Variants in TSHZ3 observed in about 807,000 individuals in gnomAD.
TSHZ3 encodes teashirt homolog 3.
TSHZ3 carries 10 observed loss-of-function variants against 64.5 expected under a neutral mutation model. The ratio of observed to expected loss-of-function variants is 0.16; its 90% confidence interval spans 0.10 to 0.26. TSHZ3 has a LOEUF of 0.26. TSHZ3 is among the 10% of genes least tolerant of loss of function. The pLI is 1.00. For missense variants in TSHZ3, 1,242 were observed against 1,421.7 expected, an observed-to-expected ratio of 0.87 and a Z score of 2.03; for synonymous variants, 608 against 593.1, an observed-to-expected ratio of 1.03 and a Z score of -0.36.
At chr19:31,263,751 A>G (rs974813027) in intron 1 of TSHZ3, among the ~76,000 whole-genome samples, 7 of 152,200 alleles carry the variant, frequency 4.6e-5, no homozygotes, top group South Asian at 4.1e-4. Context: ...CTAGCTAGCA[A>G]TGAGGCAATT....
chr19:31,225,290 G>C (rs1975445043), intron 4 of TSHZ3, among the ~76,000 whole-genome samples: 1 of 152,130 alleles, frequency 6.6e-6, no homozygotes, highest in African/African-American at 2.4e-5. Flanking sequence ...TGAAGTCCCA[G>C]GGAATGAAAG....
intron 1 of TSHZ3, among the ~76,000 whole-genome samples, chr19:31,317,009 T>C (rs1916620451): frequency 6.6e-6 from 1 of 152,122 alleles, no homozygotes; most frequent in Non-Finnish European, 1.5e-5. Flanking sequence ...CTTCTATCAA[T>C]TTGAAGAAGA....
At chr19:31,211,000 A>G (rs992685269) in intron 4 of TSHZ3, among the ~76,000 whole-genome samples, 6 of 152,208 alleles carry the variant, frequency 3.9e-5, no homozygotes, top group Non-Finnish European at 8.8e-5. Context: ...AAAAATCACA[A>G]TTACATGAAT....
At chr19:31,340,377 T>G (rs1917395764) in intron 1 of TSHZ3, among the ~76,000 whole-genome samples, 2 of 104,678 alleles carry the variant, frequency 1.9e-5, no homozygotes, top group South Asian at 7.4e-4. Context: ...ACAGACTTCC[T>G]CTCACACCTG....
At chr19:31,258,051 G>C (rs1364157577) in intron 1 of TSHZ3, among the ~76,000 whole-genome samples, 1 of 152,124 alleles carries the variant, frequency 6.6e-6, no homozygotes, top group East Asian at 1.9e-4. Flanking sequence ...TTGATAAACT[G>C]GGTGACTGCA....
chr19:31,224,671 A>G (rs1202853457), intron 4 of TSHZ3, among the ~76,000 whole-genome samples: 1 of 152,206 alleles, frequency 6.6e-6, no homozygotes, highest in Non-Finnish European at 1.5e-5. Context: ...ATATTAAATC[A>G]TATCATTGCT....
rs1976314421 is a variant in TSHZ3 at position 31,279,209 on chromosome 19, T to C, written c.584A>G (p.Gln195Arg). 1 of 1,614,170 alleles carries C rather than the reference T, an allele frequency of 6.2e-7. No homozygotes were observed. Among genetic ancestry groups the C allele is most frequent in the Middle Eastern group, 1.6e-4 (1 of 6,062 alleles). The change falls in exon 2 of 2, where the codon CAG (glutamine) becomes CGG (arginine). Residue 195 changes from glutamine to arginine, a missense_variant. By Grantham distance (43) the Gln-to-Arg change is conservative. Around this residue, in one of 4 missense-constraint regions of TSHZ3, gnomAD observed 555 missense variants for 704.0 expected, o/e 0.79. Coordinates refer to ENST00000240587, the MANE Select transcript of TSHZ3 (RefSeq NM_020856.4). This position sits in a 1 kb window ranked among gnomAD's most constrained non-coding sequence, Gnocchi z 6.4. ...GAGCTTGCTGCTCTGCCGGTACAGC[T>C]GCACGGTGCTGAAGAGGCTGGGCTC... is the stretch of plus-strand genomic sequence containing the variant. Reference protein sequence around the residue: ...LPEPSLFSTVQLYRQSSKLYG... With the variant: ...LPEPSLFSTVRLYRQSSKLYG...
intron 1 of TSHZ3, among the ~76,000 whole-genome samples, chr19:31,287,888 C>T (rs1034052929): frequency 2.6e-5 from 4 of 152,232 alleles, no homozygotes; most frequent in African/African-American, 9.6e-5. Flanking sequence ...GCCTCCTTTC[C>T]TCCTGCTTCC....
chr19:31,349,225 T>A lies in TSHZ3; in HGVS notation c.-6A>T. The A allele has an allele frequency of 6.5e-7, 1 of 1,536,600 alleles. No individual in the cohort carries two copies. The highest frequency in any genetic ancestry group is 8.8e-7 in the Non-Finnish European group (1 of 1,142,724). ...TGCTGCTTCCTCCTCGGCATGATGC[T>A]TCTCCGGCGACTGCCACTGCCGCCG... is the stretch of plus-strand genomic sequence containing the variant. On this transcript the variant is annotated 5_prime_UTR_variant, in exon 1 of 2. In the 5' UTR this introduces an upstream ATG that the reference lacks. Coordinates refer to ENST00000240587, the MANE Select transcript of TSHZ3 (RefSeq NM_020856.4).
chr19:31,244,907 G>T (rs1975740663), intron 1 of TSHZ3, among the ~76,000 whole-genome samples: 1 of 152,152 alleles, frequency 6.6e-6, no homozygotes, highest in African/African-American at 2.4e-5. Context: ...GCCTCCCAAA[G>T]TGTTAGGATT....
At chr19:31,216,803 TTTTTTTATTTTTTA>T (rs1006038382) in intron 4 of TSHZ3, among the ~76,000 whole-genome samples, 3 of 151,798 alleles carry the variant, frequency 2.0e-5, no homozygotes, top group South Asian at 2.1e-4. Flanking sequence ...CCTGGCCAAT[TTTTTTTATTTTTTA>T]TTTTTTATTT....
chr19:31,270,182 T>C (rs1976116040), downstream of TSHZ3, among the ~76,000 whole-genome samples: 1 of 152,232 alleles, frequency 6.6e-6, no homozygotes, highest in Non-Finnish European at 1.5e-5. Flanking sequence ...TGATCAGAGA[T>C]AGTAGCATGT....
intron 1 of TSHZ3, among the ~76,000 whole-genome samples, chr19:31,254,496 T>A (rs2145193912): frequency 6.6e-6 from 1 of 152,348 alleles, no homozygotes; most frequent in South Asian, 2.1e-4. Flanking sequence ...TAAAACACGC[T>A]GTGGCTCGCC....
chr19:31,325,287 G>C (rs1320270816), intron 1 of TSHZ3, among the ~76,000 whole-genome samples: 1 of 152,158 alleles, frequency 6.6e-6, no homozygotes, highest in Non-Finnish European at 1.5e-5. Flanking sequence ...AACTTAGGCT[G>C]GTCTCAGTTT....
intron 1 of TSHZ3, among the ~76,000 whole-genome samples, chr19:31,302,332 C>T (rs555856309): frequency 5.9e-5 from 9 of 152,260 alleles, no homozygotes; most frequent in African/African-American, 1.9e-4. Flanking sequence ...AAAGACAGCA[C>T]GGTGTGTGAA....
intron 1 of TSHZ3, among the ~76,000 whole-genome samples, chr19:31,269,868 G>T (rs1437780124): frequency 2.0e-5 from 3 of 152,232 alleles, no homozygotes; most frequent in Non-Finnish European, 4.4e-5. Context: ...GCCTAATGGG[G>T]TCTGCAGTGG....
At chr19:31,287,314 G>A (rs1003930701) in intron 1 of TSHZ3, among the ~76,000 whole-genome samples, 1 of 152,210 alleles carries the variant, frequency 6.6e-6, no homozygotes, top group Non-Finnish European at 1.5e-5. Flanking sequence ...CTGGGAAGGT[G>A]CTTTGCTGGC....
Position 31,279,730 on chromosome 19 carries a change from C to T in TSHZ3, c.63G>A (p.Lys21=). The change falls in exon 2 of 2, where the codon AAG becomes AAA. Residue 21 remains lysine, a synonymous_variant. Coordinates refer to ENST00000240587, the MANE Select transcript of TSHZ3 (RefSeq NM_020856.4). This position sits in a 1 kb window ranked among gnomAD's most constrained non-coding sequence, Gnocchi z 6.4. ...AACCTTCGTCCACCAGGGCAGCAGC[C>T]TTTAACTCTTCGGAAACATAGGCTG... ...RAAAYVSEEL[K]AAALVDEGLD... 4 of 1,507,574 alleles carry T rather than the reference C, an allele frequency of 2.7e-6. No homozygotes were observed. In the South Asian group the frequency reaches 5.5e-5, roughly 21 times the overall value. The allele number at this position is 1,507,574 out of a possible 1,614,324, so 93.4% of individuals were successfully genotyped here. A position where few individuals can be genotyped will look rare whatever the true frequency, so the allele number is the denominator to read the frequency against.
At chr19:31,284,622 G>A (rs186734108) in intron 1 of TSHZ3, among the ~76,000 whole-genome samples, 9 of 152,310 alleles carry the variant, frequency 5.9e-5, no homozygotes, top group Middle Eastern at 3.4e-3. Context: ...GGCAGGTGCA[G>A]TGAAGTGGAG....
Sources: allele counts gnomAD v4.1 joint callset (sites outside exome capture counted in the v4.1 genomes callset), GRCh38; gene constraint gnomAD v4.1.1; regional missense constraint gnomAD v4.1.1; non-coding constraint Gnocchi (gnomAD v3.1); transcripts MANE v1.5; gene names NCBI Gene and HGNC (gene_info 2026-07-23, HGNC 2026-07-21).